Variants in CDK13 observed in about 807,000 individuals in gnomAD.
CDK13 encodes cyclin dependent kinase 13.
CDK13 carries 40 observed loss-of-function variants against 137.6 expected under a neutral mutation model. That is an observed-to-expected ratio of 0.29 (90% CI 0.23 to 0.38). The LOEUF (loss-of-function observed/expected upper bound fraction) is 0.38. Ranked by LOEUF, CDK13 falls within the 10% of genes least tolerant of loss-of-function variation. The pLI is 1.00. For missense variants in CDK13, 1,704 were observed against 1,951.8 expected (o/e 0.87, Z 2.39); for synonymous variants, 869 against 760.1 (o/e 1.14, Z -2.36).
At position 39,988,335 on chromosome 7, in the gene CDK13, C is replaced by G. The variant is rs367851956; in HGVS notation, c.1871+77C>G. The G allele has an allele frequency of 2.8e-4, 315 of 1,117,438 alleles. 3 individuals carry two copies. In the South Asian group the frequency reaches 4.9e-3, roughly 17 times the overall value. 69.2% of individuals were successfully genotyped at this position (1,117,438 alleles called of 1,614,324 possible). ...TGAAGTGAGAAATGAGTTGACCTCC[C>G]CTAACCCCCTCGAAACAACTTTAGT... On this transcript the variant is annotated intron_variant, in intron 2 of 13. Transcript: ENST00000181839.
chr7:39,967,432 A>G (rs1172392075), intron 1 of CDK13, among the ~76,000 whole-genome samples: 2 of 152,070 alleles, frequency 1.3e-5, no homozygotes, highest in East Asian at 3.9e-4. Context: ...ACCCTGTCTC[A>G]AAAACAAAAT....
chr7:40,062,814 T>G lies in CDK13; in HGVS notation c.2601-12T>G. The G allele has an allele frequency of 6.4e-7, 1 of 1,569,690 alleles. No homozygotes were observed. Among genetic ancestry groups the G allele is most frequent in the Non-Finnish European group, 8.8e-7 (1 of 1,139,910 alleles). On this transcript the variant is annotated splice_polypyrimidine_tract_variant and intron_variant, in intron 7 of 13. Transcript: ENST00000181839. The stretch of plus-strand genomic sequence containing the variant: ...AATACTAACTCTAAAGACTGTTTTC[T>G]GTGTTTTTTAGTCGGCCGTATACTA...
At chr7:39,969,850 T>G (rs1583922888) in intron 1 of CDK13, among the ~76,000 whole-genome samples, 1 of 152,262 alleles carries the variant, frequency 6.6e-6, no homozygotes, top group East Asian at 1.9e-4. Flanking sequence ...TGAATTGGGT[T>G]GTTGTCTTAC....
At chr7:40,025,661 A>G (rs1007820142) in intron 5 of CDK13, among the ~76,000 whole-genome samples, 1 of 152,158 alleles carries the variant, frequency 6.6e-6, no homozygotes, top group East Asian at 1.9e-4. Context: ...TTTAAAACAC[A>G]TTTTTATAAA....
intron 1 of CDK13, among the ~76,000 whole-genome samples, chr7:39,966,325 T>G (rs1783869442): frequency 1.3e-5 from 2 of 152,178 alleles, no homozygotes; most frequent in African/African-American, 4.8e-5. Context: ...TTCTTTTTAT[T>G]CTTTTTTTTC....
intron 3 of CDK13, 60 bp from the exon 4 acceptor site, chr7:39,999,301 T>C: frequency 2.9e-6 from 4 of 1,398,574 alleles, no homozygotes; most frequent in Non-Finnish European, 3.9e-6. Flanking sequence ...TATTGAGTTA[T>C]TAGACAGTTT....
At chr7:39,997,104 A>G (rs1480769502) in intron 2 of CDK13, among the ~76,000 whole-genome samples, 3 of 151,656 alleles carry the variant, frequency 2.0e-5, no homozygotes, top group Non-Finnish European at 4.4e-5. Flanking sequence ...CTTTATTTTT[A>G]TAACAGTCTT....
intron 9 of CDK13, among the ~76,000 whole-genome samples, chr7:40,075,522 T>A (rs1019963547): frequency 6.6e-6 from 1 of 152,068 alleles, no homozygotes; most frequent in African/African-American, 2.4e-5. Flanking sequence ...ATGAAACTGT[T>A]GTTTATTATA....
intron 2 of CDK13, among the ~76,000 whole-genome samples, chr7:39,994,317 A>T (rs1401963881): frequency 6.6e-6 from 1 of 152,082 alleles, no homozygotes; most frequent in Non-Finnish European, 1.5e-5. Flanking sequence ...AAGTGTTCTG[A>T]TTCTTCACTC....
chr7:40,036,282 A>G (rs1785481476), intron 5 of CDK13, among the ~76,000 whole-genome samples: 1 of 152,212 alleles, frequency 6.6e-6, no homozygotes, highest in South Asian at 2.1e-4. Context: ...AATAATTTCA[A>G]AGCCTTCTAA....
rs764152765 is a variant in CDK13, at chr7:40,098,941, A to C, written c.*3961A>C. On this transcript the variant is annotated 3_prime_UTR_variant, in exon 14 of 14. Transcript: ENST00000181839. The stretch of plus-strand genomic sequence containing the variant: ...GTTTCATATATGGATAATCTTTGAA[A>C]AGGCAAGTCCTGTATGTATTTTTCA... 1 of 152,118 alleles carries C rather than the reference A, an allele frequency of 6.6e-6. No individual in the cohort carries two copies. Among genetic ancestry groups the C allele is most frequent in the Non-Finnish European group, 1.5e-5 (1 of 67,998 alleles). The allele number at this position is 152,118 out of a possible 1,614,324, so 9.4% of individuals were successfully genotyped here. A position where few individuals can be genotyped will look rare whatever the true frequency, so the allele number is the denominator to read the frequency against.
chr7:40,064,799 T>TC (rs201336094), intron 9 of CDK13, among the ~76,000 whole-genome samples: 1 of 148,938 alleles, frequency 6.7e-6, no homozygotes, highest in African/African-American at 2.5e-5. Context: ...TTTTTTTTTT[T>TC]CCTGTTTTTT....
rs1787047393 is a variant in CDK13, at chr7:40,096,373, G to A, written c.*1393G>A. ...TTTTTTTTTAATGAAGAGCATCAAA[G>A]AATGGAGTAGTCCTTATTTAAACTG... On this transcript the variant is annotated 3_prime_UTR_variant, in exon 14 of 14. Transcript: ENST00000181839. 1.3e-5 allele frequency: 2 copies of A among 152,014 alleles called. No homozygotes were observed. The highest frequency in any genetic ancestry group is 4.8e-5 in the African/African-American group (2 of 41,398). The allele number at this position is 152,014 out of a possible 1,614,324, so 9.4% of individuals were successfully genotyped here. A position where few individuals can be genotyped will look rare whatever the true frequency, so the allele number is the denominator to read the frequency against.
intron 5 of CDK13, among the ~76,000 whole-genome samples, chr7:40,011,267 TAATCCCAA>T (rs1784888335): frequency 6.6e-6 from 1 of 152,172 alleles, no homozygotes; most frequent in Admixed American, 6.5e-5. Context: ...CTCATGCCCA[TAATCCCAA>T]CCCCTTGGAG....
chr7:40,087,478 CTTA>C (rs1786814152), intron 11 of CDK13, among the ~76,000 whole-genome samples: 1 of 150,104 alleles, frequency 6.7e-6, no homozygotes, highest in South Asian at 2.1e-4. Flanking sequence ...TTTTTCATGT[CTTA>C]TTCAGTGTAT....
At chr7:39,980,484 T>C (rs933078572) in intron 1 of CDK13, among the ~76,000 whole-genome samples, 1 of 152,240 alleles carries the variant, frequency 6.6e-6, no homozygotes, top group Non-Finnish European at 1.5e-5. Context: ...ATCATCACTT[T>C]ATATAGTGAT....
At chr7:39,977,192 C>T (rs1041070022) in intron 1 of CDK13, among the ~76,000 whole-genome samples, 7 of 152,056 alleles carry the variant, frequency 4.6e-5, no homozygotes, top group African/African-American at 1.7e-4. Flanking sequence ...CTCACTAGGC[C>T]AGTATGTGGG....
At chr7:39,991,913 G>A (rs1784462319) in intron 2 of CDK13, among the ~76,000 whole-genome samples, 1 of 151,958 alleles carries the variant, frequency 6.6e-6, no homozygotes, top group African/African-American at 2.4e-5. Context: ...TTAGCCTGCT[G>A]TGGTGGTGCA....
intron 1 of CDK13, among the ~76,000 whole-genome samples, chr7:39,963,155 G>C (rs897921929): frequency 7.2e-5 from 11 of 152,064 alleles, no homozygotes; most frequent in Non-Finnish European, 1.5e-4. Context: ...TTCCAATTCT[G>C]TGAAGAAAGT....
Sources: allele counts gnomAD v4.1 joint callset (sites outside exome capture counted in the v4.1 genomes callset), GRCh38; gene constraint gnomAD v4.1.1; transcripts MANE v1.5; gene names NCBI Gene and HGNC (gene_info 2026-07-23, HGNC 2026-07-21).